The following PRRT4 variants were observed in gnomAD, a reference collection of about 807,000 sequenced individuals.
The protein encoded by PRRT4 is proline rich transmembrane protein 4.
A neutral mutation model predicts 55.6 loss-of-function variants in PRRT4; 59 were observed. The ratio of observed to expected loss-of-function variants is 1.06; its 90% confidence interval spans 0.86 to 1.32. The LOEUF is 1.32. Among genes scored for constraint, PRRT4 ranks in the 40% most tolerant of loss-of-function variants. PRRT4 has a pLI of 0.00. For missense variants in PRRT4, 1,217 were observed against 1,222.0 expected, an observed-to-expected ratio of 1.00 and a Z score of 0.06; for synonymous variants, 606 against 601.8, an observed-to-expected ratio of 1.01 and a Z score of -0.10.
chr7:128,360,086 G>A (rs889981032), intron 1 of PRRT4, 23 bp from the exon 3 acceptor site: 1 of 1,053,228 alleles, frequency 9.5e-7, no homozygotes, highest in Non-Finnish European at 1.2e-6. Flanking sequence ...GAGGCCCTGT[G>A]AGCCCTGGCT....
intron 4 of PRRT4, among the ~76,000 whole-genome samples, chr7:128,356,174 G>A (rs1264377923): frequency 7.2e-5 from 11 of 152,070 alleles, no homozygotes; most frequent in Non-Finnish European, 1.3e-4. Context: ...CAGGAGAATC[G>A]CTTGAACCCG....
At chr7:128,357,811 C>T (rs1012292932) in intron 4 of PRRT4, among the ~76,000 whole-genome samples, 1 of 152,192 alleles carries the variant, frequency 6.6e-6, no homozygotes, top group African/African-American at 2.4e-5. Flanking sequence ...CCTCATCCAC[C>T]AGAACCTCTC....
Position 128,358,077 on chromosome 7 carries a change from C to T in PRRT4, c.877+604G>A, listed in dbSNP as rs548292326. ...ATTTAGGTTCAGAGAGGTTAAATAA[C>T]GTGCCTAAAGTCACTAGCTAGTGAG... On this transcript the variant is annotated intron_variant, in intron 4 of 4. Coordinates refer to ENST00000535159, the Ensembl canonical transcript of PRRT4. This position sits in a 1 kb window ranked among gnomAD's most constrained non-coding sequence, Gnocchi z 4.4. Among the ~76,000 whole-genome samples, 18 of 152,300 alleles carry T rather than the reference C, an allele frequency of 1.2e-4. No individual in the cohort carries two copies. The highest frequency in any genetic ancestry group is 2.6e-4 in the Admixed American group (4 of 15,288).
chr7:128,351,387 G>A (rs1398829764), exon 5 of PRRT4: 2 of 1,543,602 alleles, frequency 1.3e-6, no homozygotes, highest in South Asian at 1.2e-5. Flanking sequence ...TGATTGGGGA[G>A]GGCGGGCGGA....
At position 128,358,160 on chromosome 7, in the gene PRRT4, C is replaced by T. The variant is rs558983513; in HGVS notation, c.877+521G>A. The stretch of plus-strand genomic sequence containing the variant: ...GATTCCCGAGCCTGTGGTCTTTCCT[C>T]GTACCACCAGCTTGTCCGTGTGCAT... On this transcript the variant is annotated intron_variant, in intron 4 of 4. Coordinates refer to ENST00000535159, the Ensembl canonical transcript of PRRT4. The surrounding 1 kb of genome is among the most constrained non-coding windows in gnomAD (Gnocchi z 4.4). Among the ~76,000 whole-genome samples the T allele has an allele frequency of 1.2e-3, 179 of 152,326 alleles. No homozygotes were observed. Among genetic ancestry groups the T allele is most frequent in the African/African-American group, 4.2e-3 (176 of 41,560 alleles).
intron 4 of PRRT4, among the ~76,000 whole-genome samples, chr7:128,354,521 G>A (rs905327333): frequency 2.6e-5 from 4 of 152,016 alleles, no homozygotes; most frequent in Non-Finnish European, 5.9e-5. Context: ...CAGAGATCGC[G>A]CCTCTGCACT....
intron 2 of PRRT4, 24 bp from the exon 4 acceptor site, chr7:128,359,277 G>A (rs1232906680): frequency 6.5e-7 from 1 of 1,545,946 alleles, no homozygotes; most frequent in Admixed American, 2.0e-5. Context: ...CCAGGCTGAA[G>A]CTGCCTCCTA....
At chr7:128,359,293 CA>C (rs2116493646) in intron 2 of PRRT4, 40 bp from the exon 4 acceptor site, 1 of 1,534,006 alleles carries the variant, frequency 6.5e-7, no homozygotes. Flanking sequence ...TCCTACCTGC[CA>C]GGGGTGCCCA....
exon 2 of PRRT4, chr7:128,359,381 C>A: frequency 6.8e-7 from 1 of 1,468,412 alleles, no homozygotes; most frequent in South Asian, 1.4e-5. Context: ...CAGGCTGGCC[C>A]GCAGGCTGGG....
chr7:128,359,637 C>T, exon 2 of PRRT4: 1 of 1,541,560 alleles, frequency 6.5e-7, no homozygotes. Flanking sequence ...GGCTTTGAGC[C>T]ACCTTCGGTG....
Position 128,351,943 on chromosome 7 carries a change from G to C in PRRT4, c.1613C>G (p.Ala538Gly), listed in dbSNP as rs1246311557. The C allele has an allele frequency of 2.9e-5, 38 of 1,294,388 alleles. No individual in the cohort carries two copies. The highest frequency in any genetic ancestry group is 2.9e-4 in the Middle Eastern group (1 of 3,436). The allele number at this position is 1,294,388 out of a possible 1,614,324, so 80.2% of individuals were successfully genotyped here. Residue 538 changes from alanine to glycine, a missense_variant, in exon 5 of 5, where the codon GCC (alanine) becomes GGC (glycine). By Grantham distance (60) the Ala-to-Gly change is moderately conservative (BLOSUM62 0). Coordinates refer to ENST00000535159, the Ensembl canonical transcript of PRRT4. ...GCTGCGCCCCTGCGGCAGGGGTGTGGCGCCCTTGAAGCCCGACCCTCCCAG... is the reference window on the plus strand; with the variant it reads ...GCTGCGCCCCTGCGGCAGGGGTGTGCCGCCCTTGAAGCCCGACCCTCCCAG...
rs543212369 is a variant in PRRT4, at chr7:128,355,894, C to G, written c.877+2787G>C. On this transcript the variant is annotated intron_variant, in intron 4 of 4. Transcript: ENST00000535159. ...ACCCTCTTCCATCTTTACTTCTCAC[C>G]CATGGGCCACAGGAAACCTTATCTC... Among the ~76,000 whole-genome samples the G allele has an allele frequency of 3.3e-5, 5 of 152,298 alleles. No homozygotes were observed. In the East Asian group the frequency reaches 9.6e-4, roughly 29 times the overall value.
chr7:128,351,452 C>T, exon 5 of PRRT4: 1 of 1,522,534 alleles, frequency 6.6e-7, no homozygotes, highest in Non-Finnish European at 8.8e-7. Flanking sequence ...GCCGGGTTGG[C>T]CGCCGCGCCT....
At chr7:128,360,723 A>G (rs1485094735) in intron 1 of PRRT4, among the ~76,000 whole-genome samples, 1 of 151,882 alleles carries the variant, frequency 6.6e-6, no homozygotes, top group East Asian at 1.9e-4. Context: ...CCCTTGAAGT[A>G]TTCGGGGGAG....
intron 4 of PRRT4, among the ~76,000 whole-genome samples, chr7:128,352,991 AACTTT>A (rs1259362339): frequency 6.6e-6 from 1 of 151,980 alleles, no homozygotes; most frequent in Non-Finnish European, 1.5e-5. Flanking sequence ...GAAGTCACAG[AACTTT>A]ACAACTGGAA....
chr7:128,359,871 G>C lies in PRRT4; in HGVS notation c.121C>G (p.Pro41Ala), dbSNP rs1016867286. ...GACAGCATAGAGGCCTCACTTTGAG[G>C]TACGGGGGTCAAAGTGGTGGCAGGG... The change falls in exon 2 of 5, where the codon CCT becomes GCT. Residue 41 changes from proline to alanine, a missense_variant. By Grantham distance (27) the Pro-to-Ala change is conservative. Transcript: ENST00000535159. 2.7e-6 allele frequency: 4 copies of C among 1,476,046 alleles called. No individual in the cohort carries two copies. In the East Asian group the frequency reaches 1.0e-4, roughly 37 times the overall value. The allele number at this position is 1,476,046 out of a possible 1,614,324, so 91.4% of individuals were successfully genotyped here.
rs1388263728 is a variant in PRRT4, at chr7:128,358,804, C to A, written c.758-4G>T. 1.3e-6 allele frequency: 2 copies of A among 1,532,012 alleles called. No individual in the cohort carries two copies. Among genetic ancestry groups the A allele is most frequent in the African/African-American group, 2.8e-5 (2 of 72,146 alleles). The allele number at this position is 1,532,012 out of a possible 1,614,324, so 94.9% of individuals were successfully genotyped here. A position where few individuals can be genotyped will look rare whatever the true frequency, so the allele number is the denominator to read the frequency against. On this transcript the variant is annotated splice_region_variant and splice_polypyrimidine_tract_variant and intron_variant, in intron 3 of 4. Coordinates refer to ENST00000535159, the Ensembl canonical transcript of PRRT4. This position sits in a 1 kb window ranked among gnomAD's most constrained non-coding sequence, Gnocchi z 4.4. ...GACAGAGTGGTACCAAGGAACCCTGCAAAGGGAGCACATGGGGCTCAAGTG... is the reference window on the plus strand; with the variant it reads ...GACAGAGTGGTACCAAGGAACCCTGAAAAGGGAGCACATGGGGCTCAAGTG...
chr7:128,352,637 G>A (rs1797021641), exon 5 of PRRT4: 9 of 1,539,128 alleles, frequency 5.8e-6, no homozygotes, highest in Non-Finnish European at 7.8e-6. Context: ...AGGCTGGCGG[G>A]AGGAGAGAGG....
chr7:128,360,017 T>C lies in PRRT4; in HGVS notation c.-26A>G. 5 of 1,301,946 alleles carry C rather than the reference T, an allele frequency of 3.8e-6. 1 individual carries two copies. 80.6% of individuals were successfully genotyped at this position (1,301,946 alleles called of 1,614,324 possible). Reference sequence around the variant, plus strand: ...GGCCCCACCTGGCTTCGGGTGGCCTTGGTGGGCAGGGACTCAGTTGTTCAG... The same window carrying C: ...GGCCCCACCTGGCTTCGGGTGGCCTCGGTGGGCAGGGACTCAGTTGTTCAG... On this transcript the variant is annotated 5_prime_UTR_variant, in exon 2 of 5. Transcript: ENST00000535159.
Sources: gnomAD v4.1 joint callset for allele counts (sites outside exome capture counted in the v4.1 genomes callset) on GRCh38, gnomAD v4.1.1 for gene constraint, Gnocchi (gnomAD v3.1) non-coding constraint, MANE v1.5 for transcripts, NCBI Gene and HGNC (gene_info 2026-07-23, HGNC 2026-07-21) for gene names.